TTC17: variants seen among roughly 807,000 people sequenced by gnomAD.
The protein encoded by TTC17 is tetratricopeptide repeat domain 17.
A neutral mutation model predicts 143.8 loss-of-function variants in TTC17; 58 were observed. That is an observed-to-expected ratio of 0.40 (90% confidence interval 0.33 to 0.50). TTC17 has a LOEUF of 0.50. Ranked by LOEUF, TTC17 falls within the 20% of genes least tolerant of loss-of-function variation. The probability of loss-of-function intolerance (pLI) is 0.49; values close to 1 mark genes in which losing one functional copy is unlikely to be tolerated. For missense variants in TTC17, 1,273 were observed against 1,392.5 expected (o/e 0.91, Z 1.37); for synonymous variants, 501 against 497.8 (o/e 1.01, Z -0.09).
At chr11:43,413,706 G>C (rs1414309921) in intron 15 of TTC17, among the ~76,000 whole-genome samples, 2 of 138,664 alleles carry the variant, frequency 1.4e-5, no homozygotes, top group Admixed American at 1.4e-4. Context: ...ATAGGCACCT[G>C]AAAAAAAAAA....
rs76471632 is a variant in TTC17 at position 43,359,060 on chromosome 11, G to T, written c.106G>T (p.Ala36Ser). 5.0e-6 allele frequency: 8 copies of T among 1,591,400 alleles called. No homozygotes were observed. Among genetic ancestry groups the T allele is most frequent in the Non-Finnish European group, 6.8e-6 (8 of 1,170,444 alleles). Reference protein sequence around the residue: ...SALLSVAARGAFATTHWVVTE... With the variant: ...SALLSVAARGSFATTHWVVTE... ...CTTGCTGAGTGTGGCGGCACGAGGG[G>T]CCTTCGCCACCACGCACTGGGTCGT... The change falls in exon 1 of 24, where the codon GCC becomes TCC. Residue 36 changes from alanine to serine, a missense_variant. Transcript: ENST00000039989.
chr11:43,493,810 C>T lies in TTC17; in HGVS notation c.3332C>T (p.Thr1111Ile). The change falls in exon 24 of 24, where the codon ACA becomes ATA. Residue 1111 changes from threonine (T) to isoleucine (I), a missense_variant. Coordinates refer to ENST00000039989, the MANE Select transcript of TTC17 (RefSeq NM_018259.6). ...AAAGCACTGGTGTGGTATGAATCCA[C>T]ATTGAAGCTTCAGCCCGAGTTTGTC... ...FEKALVWYESTLKLQPEFVPA... is the reference protein window; with the variant it reads ...FEKALVWYESILKLQPEFVPA... The T allele has an allele frequency of 6.2e-7, 1 of 1,614,124 alleles. No homozygotes were observed. Among genetic ancestry groups the T allele is most frequent in the Non-Finnish European group, 8.5e-7 (1 of 1,179,984 alleles).
intron 1 of TTC17, among the ~76,000 whole-genome samples, chr11:43,375,512 T>C (rs1856729167): frequency 6.6e-6 from 1 of 152,174 alleles, no homozygotes; most frequent in African/African-American, 2.4e-5. Context: ...ATTTTGTCCC[T>C]AGTTTCTAAC....
chr11:43,425,550 C>T (rs1947008037), intron 16 of TTC17, among the ~76,000 whole-genome samples: 1 of 152,030 alleles, frequency 6.6e-6, no homozygotes, highest in Admixed American at 6.5e-5. Flanking sequence ...TACTCAGTTC[C>T]ATGGTCTGAT....
At chr11:43,460,409 C>T (rs771312700) in intron 21 of TTC17, among the ~76,000 whole-genome samples, 3 of 152,166 alleles carry the variant, frequency 2.0e-5, no homozygotes, top group Non-Finnish European at 2.9e-5. Context: ...TGGCTTCTGT[C>T]CAGCCTGAAA....
At chr11:43,455,627 C>T (rs2134770614) in intron 21 of TTC17, among the ~76,000 whole-genome samples, 1 of 151,922 alleles carries the variant, frequency 6.6e-6, no homozygotes, top group South Asian at 2.1e-4. Flanking sequence ...TAGAAAACTA[C>T]AATGCAGAAA....
chr11:43,374,182 C>T (rs1856676635), intron 1 of TTC17, among the ~76,000 whole-genome samples: 1 of 152,080 alleles, frequency 6.6e-6, no homozygotes, highest in Non-Finnish European at 1.5e-5. Context: ...GAAAGCACTC[C>T]CTATTCAATA....
chr11:43,364,047 CTTTTTTTTTTTTTT>C (rs71308379), intron 1 of TTC17, among the ~76,000 whole-genome samples: 1 of 94,452 alleles, frequency 1.1e-5, no homozygotes, highest in African/African-American at 3.9e-5. Context: ...TACAGATCCT[CTTTTTTTTTTTTTT>C]TTTTTTTTTT....
intron 2 of TTC17, among the ~76,000 whole-genome samples, chr11:43,382,404 A>G (rs1857004834): frequency 6.6e-6 from 1 of 152,208 alleles, no homozygotes; most frequent in African/African-American, 2.4e-5. Flanking sequence ...TCTAAGGTCA[A>G]ACTAGATAAA....
intron 16 of TTC17, among the ~76,000 whole-genome samples, chr11:43,438,938 C>G (rs950629818): frequency 6.6e-6 from 1 of 152,200 alleles, no homozygotes; most frequent in African/African-American, 2.4e-5. Context: ...TCCCGGATAA[C>G]CATTGTCATT....
intron 1 of TTC17, among the ~76,000 whole-genome samples, chr11:43,362,318 C>CAATTTTTTTGTAACTATAATGTA (rs1446652004): frequency 6.6e-6 from 1 of 152,096 alleles, no homozygotes; most frequent in East Asian, 1.9e-4. Context: ...TGTGCCCGGC[C>CAATTTTTTTGTAACTATAATGTA]ATTATAACTT....
chr11:43,436,936 C>A (rs1010522543), intron 16 of TTC17, among the ~76,000 whole-genome samples: 2 of 152,186 alleles, frequency 1.3e-5, no homozygotes, highest in African/African-American at 4.8e-5. Flanking sequence ...CTTTCACTTA[C>A]ACTTTATTCT....
chr11:43,474,870 A>G (rs1394208117), intron 21 of TTC17, among the ~76,000 whole-genome samples: 2 of 152,176 alleles, frequency 1.3e-5, no homozygotes, highest in African/African-American at 4.8e-5. Context: ...CAAGGAAGAG[A>G]AAATATATTT....
chr11:43,416,208 C>T (rs1946775705), intron 16 of TTC17, among the ~76,000 whole-genome samples: 1 of 151,912 alleles, frequency 6.6e-6, no homozygotes, highest in Admixed American at 6.6e-5. Flanking sequence ...CTTCTCGCAA[C>T]ACTGTGGTCT....
chr11:43,414,341 C>A (rs1348613419), intron 15 of TTC17, among the ~76,000 whole-genome samples: 1 of 151,948 alleles, frequency 6.6e-6, no homozygotes, highest in East Asian at 1.9e-4. Flanking sequence ...AGCAGTGTGG[C>A]GGTTACAGGG....
chr11:43,436,732 C>G (rs757280227), intron 16 of TTC17, among the ~76,000 whole-genome samples: 6 of 152,192 alleles, frequency 3.9e-5, no homozygotes, highest in Non-Finnish European at 7.3e-5. Context: ...TTGTACTAAA[C>G]AGTTCTTGCT....
chr11:43,461,282 G>A (rs1049229713), intron 21 of TTC17, among the ~76,000 whole-genome samples: 2 of 151,450 alleles, frequency 1.3e-5, no homozygotes, highest in African/African-American at 2.4e-5. Flanking sequence ...TACTCGGGAG[G>A]CTGAGGCAGG....
At chr11:43,373,946 T>G (rs959622526) in intron 1 of TTC17, among the ~76,000 whole-genome samples, 1 of 152,226 alleles carries the variant, frequency 6.6e-6, no homozygotes, top group Non-Finnish European at 1.5e-5. Flanking sequence ...ATGCATATTT[T>G]GTTTCTGATC....
intron 2 of TTC17, among the ~76,000 whole-genome samples, chr11:43,387,971 T>G (rs1481738578): frequency 6.6e-6 from 1 of 152,222 alleles, no homozygotes; most frequent in Non-Finnish European, 1.5e-5. Flanking sequence ...TCTGGGGATA[T>G]AGGTGTTATG....
Sources: allele counts gnomAD v4.1 joint callset (sites outside exome capture counted in the v4.1 genomes callset), GRCh38; gene constraint gnomAD v4.1.1; transcripts MANE v1.5; gene names NCBI Gene and HGNC (gene_info 2026-07-23, HGNC 2026-07-21).